The following GPC6 variants were observed in gnomAD, a reference collection of about 807,000 sequenced individuals.
GPC6 encodes glypican-6.
GPC6 carries 14 observed loss-of-function variants against 55.2 expected under a neutral mutation model. The ratio of observed to expected loss-of-function variants is 0.25; its 90% confidence interval spans 0.17 to 0.40. The LOEUF is 0.40. Among genes scored for constraint, GPC6 ranks in the 10% least tolerant of loss-of-function variants. The probability of loss-of-function intolerance (pLI) is 1.00; values close to 1 mark genes in which losing one functional copy is unlikely to be tolerated. For synonymous variants in GPC6, 278 were observed against 259.6 expected (o/e 1.07, Z -0.68); for missense variants, 641 against 708.5 (o/e 0.90, Z 1.08).
intron 1 of GPC6, among the ~76,000 whole-genome samples, chr13:93,478,960 G>A (rs940168495): frequency 6.6e-6 from 1 of 152,144 alleles, no homozygotes; most frequent in Admixed American, 6.5e-5. Context: ...TGGCTACATG[G>A]GTGTACTCAG....
At chr13:93,784,199 A>G (rs1055520919) in intron 2 of GPC6, among the ~76,000 whole-genome samples, 3 of 152,162 alleles carry the variant, frequency 2.0e-5, no homozygotes, top group Non-Finnish European at 2.9e-5. Context: ...ATAAAATAAT[A>G]AGCTTTATTC....
chr13:94,253,164 A>G (rs989218755), intron 4 of GPC6, among the ~76,000 whole-genome samples: 6 of 152,132 alleles, frequency 3.9e-5, no homozygotes, highest in African/African-American at 1.4e-4. Context: ...TGTATGTTCA[A>G]CATATAATCT....
At chr13:93,731,209 C>G (rs1215853786) in intron 2 of GPC6, among the ~76,000 whole-genome samples, 1 of 152,074 alleles carries the variant, frequency 6.6e-6, no homozygotes, top group Admixed American at 6.6e-5. Flanking sequence ...AGTGCTAGGA[C>G]CAGTTGACAA....
chr13:94,163,851 A>T (rs1390298735), intron 4 of GPC6, among the ~76,000 whole-genome samples: 1 of 152,140 alleles, frequency 6.6e-6, no homozygotes, highest in Non-Finnish European at 1.5e-5. Flanking sequence ...CATAATCTTA[A>T]TTTTCTTAAA....
At chr13:93,525,978 T>A (rs1236263244) in intron 1 of GPC6, among the ~76,000 whole-genome samples, 2 of 152,078 alleles carry the variant, frequency 1.3e-5, no homozygotes, top group East Asian at 1.9e-4. Context: ...ATCCTAGAGT[T>A]TAAAAGTGCA....
chr13:94,183,513 T>G (rs764428293), intron 4 of GPC6, among the ~76,000 whole-genome samples: 1 of 152,244 alleles, frequency 6.6e-6, no homozygotes, highest in Non-Finnish European at 1.5e-5. Flanking sequence ...AGAATAATGG[T>G]ACTGTGAACA....
chr13:94,222,339 T>C (rs1429822211), intron 4 of GPC6, among the ~76,000 whole-genome samples: 3 of 152,110 alleles, frequency 2.0e-5, no homozygotes, highest in Non-Finnish European at 4.4e-5. Context: ...TGGAGAGAAG[T>C]CCCAGATTAT....
Position 93,676,129 on chromosome 13 carries a change from ATATAT to A in GPC6, c.319+130709_319+130713del, listed in dbSNP as rs1566481643. 6.8e-3 allele frequency among the ~76,000 whole-genome samples: 49 copies of A among 7,220 alleles called. 1 individual carries two copies. Among genetic ancestry groups the A allele is most frequent in the South Asian group, 0.049 (13 of 266 alleles). The allele number at this position is 7,220 out of a possible 152,430, so 4.7% of individuals were successfully genotyped here. A position where few individuals can be genotyped will look rare whatever the true frequency, so the allele number is the denominator to read the frequency against. On this transcript the variant is annotated intron_variant, in intron 2 of 8. Coordinates refer to ENST00000377047, the MANE Select transcript of GPC6 (RefSeq NM_005708.5). ...ACTAAAAAAAAAAAAAAAAAAAAAT[ATATAT>A]ATATATATATATATATATATATATA...
At chr13:94,344,676 G>A (rs1566700671) in intron 6 of GPC6, among the ~76,000 whole-genome samples, 2 of 152,096 alleles carry the variant, frequency 1.3e-5, no homozygotes, top group Admixed American at 6.5e-5. Flanking sequence ...TCCAGCCCCC[G>A]CTAACACCGA....
At chr13:93,880,192 T>C (rs1462430198) in intron 3 of GPC6, among the ~76,000 whole-genome samples, 3 of 150,622 alleles carry the variant, frequency 2.0e-5, no homozygotes, top group African/African-American at 7.3e-5. Context: ...AAATACCATT[T>C]GACCCAGCCA....
intron 4 of GPC6, among the ~76,000 whole-genome samples, chr13:94,160,480 T>C (rs1358094580): frequency 6.6e-6 from 1 of 152,238 alleles, no homozygotes. Flanking sequence ...GTAGAGCCCT[T>C]GTTCAACAAT....
At chr13:94,282,835 G>A (rs189748174) in intron 4 of GPC6, among the ~76,000 whole-genome samples, 243 of 152,342 alleles carry the variant, frequency 1.6e-3, no homozygotes, top group Middle Eastern at 3.4e-3. Context: ...CTGGCAGAAT[G>A]TCACTTCAAC....
chr13:94,180,420 C>T (rs1188311244), intron 4 of GPC6, among the ~76,000 whole-genome samples: 1 of 152,112 alleles, frequency 6.6e-6, no homozygotes, highest in African/African-American at 2.4e-5. Flanking sequence ...GCAATTTGAT[C>T]AACTGAATGC....
intron 1 of GPC6, among the ~76,000 whole-genome samples, chr13:93,541,193 A>G (rs1389173485): frequency 5.1e-5 from 6 of 117,324 alleles, no homozygotes; most frequent in African/African-American, 2.0e-4. Flanking sequence ...ACCCCACAAC[A>G]GTCCCCAGAG....
chr13:94,260,715 G>A (rs1209406463), intron 4 of GPC6, among the ~76,000 whole-genome samples: 4 of 152,228 alleles, frequency 2.6e-5, no homozygotes, highest in Non-Finnish European at 1.5e-5. Context: ...AGGGCCTGGT[G>A]ACTACTGATC....
chr13:94,096,963 T>A (rs1885681067), intron 4 of GPC6, among the ~76,000 whole-genome samples: 1 of 152,130 alleles, frequency 6.6e-6, no homozygotes, highest in Non-Finnish European at 1.5e-5. Context: ...CAGAAAAATG[T>A]AGTTCTCACA....
chr13:93,396,422 G>GCGT (rs1375359615), intron 1 of GPC6, among the ~76,000 whole-genome samples: 1 of 152,036 alleles, frequency 6.6e-6, no homozygotes, highest in Non-Finnish European at 1.5e-5. Flanking sequence ...AATTAACCAG[G>GCGT]CGTGGTGGCG....
intron 5 of GPC6, among the ~76,000 whole-genome samples, chr13:94,302,310 C>G (rs1261512143): frequency 2.6e-5 from 4 of 152,116 alleles, no homozygotes; most frequent in African/African-American, 9.7e-5. Context: ...ATGGCACCTT[C>G]CCACTGTGTC....
rs1224478463 is a variant in GPC6, at chr13:94,240,232, G to A, written c.878-46117G>A. On this transcript the variant is annotated intron_variant, in intron 4 of 8. Transcript: ENST00000377047. ...CCCTCCTCACCTTTGCACAGTACAT[G>A]AACAGCACAGCCATAGGCAACCGCC... Among the ~76,000 whole-genome samples the A allele has an allele frequency of 3.9e-5, 6 of 152,174 alleles. No individual in the cohort carries two copies. In the East Asian group the frequency reaches 1.2e-3, roughly 30 times the overall value.
Sources: gnomAD v4.1 joint callset for allele counts (sites outside exome capture counted in the v4.1 genomes callset) on GRCh38, gnomAD v4.1.1 for gene constraint, MANE v1.5 for transcripts, NCBI Gene and HGNC (gene_info 2026-07-23, HGNC 2026-07-21) for gene names.